Variants in PLA2R1 observed in about 807,000 individuals in gnomAD.
The protein encoded by PLA2R1 is phospholipase A2 receptor 1, also known as secretory phospholipase A2 receptor.
A neutral mutation model predicts 195.9 loss-of-function variants in PLA2R1; 158 were observed. That is an observed-to-expected ratio of 0.81 (90% CI 0.71 to 0.92). PLA2R1 has a LOEUF of 0.92. Ranked by LOEUF, PLA2R1 falls within the 40% of genes least tolerant of loss-of-function variation. The probability of loss-of-function intolerance (pLI) is 0.00; values close to 1 mark genes in which losing one functional copy is unlikely to be tolerated. For missense variants in PLA2R1, 1,626 were observed against 1,764.6 expected (o/e 0.92, Z 1.41); for synonymous variants, 586 against 598.2 (o/e 0.98, Z 0.30).
chr2:159,931,184 C>T (rs752357559), downstream of PLA2R1, among the ~76,000 whole-genome samples: 10 of 152,162 alleles, frequency 6.6e-5, no homozygotes, highest in African/African-American at 2.2e-4. Flanking sequence ...GTGTTTGTTC[C>T]GAAATCCGTT....
At position 159,937,877 on chromosome 2, in the gene PLA2R1, A is replaced by G. The variant is rs1686907916; in HGVS notation, c.*3901T>C. ...GAGTTTACAATTTCTTTATTAAAAG[A>G]AGCTTCACTGACATCAATACTTCGA... On this transcript the variant is annotated 3_prime_UTR_variant, in exon 30 of 30. Coordinates refer to ENST00000283243, the MANE Select transcript of PLA2R1 (RefSeq NM_007366.5). The G allele has an allele frequency of 6.6e-6, 1 of 152,250 alleles. No homozygotes were observed. The highest frequency in any genetic ancestry group is 1.5e-5 in the Non-Finnish European group (1 of 68,046). 9.4% of individuals were successfully genotyped at this position (152,250 alleles called of 1,614,324 possible).
chr2:159,975,609 C>A (rs1360756718), intron 17 of PLA2R1, among the ~76,000 whole-genome samples: 8 of 152,082 alleles, frequency 5.3e-5, no homozygotes, highest in Admixed American at 6.6e-5. Flanking sequence ...CTTAATTTTC[C>A]TCTGTGGCAT....
chr2:160,048,867 G>A (rs13397925), intron 1 of PLA2R1, among the ~76,000 whole-genome samples: 1 of 138,398 alleles, frequency 7.2e-6, no homozygotes, highest in African/African-American at 2.8e-5. Context: ...TTGAGACAGA[G>A]TCTCGCTCTG....
rs563637340 is a variant in PLA2R1 at position 160,028,227 on chromosome 2, C to A, written c.1090G>T (p.Glu364Ter). 1.5e-5 allele frequency: 24 copies of A among 1,587,772 alleles called. No individual in the cohort carries two copies. The Admixed American group carries it at 2.8e-4, about 19-fold the overall frequency. The change falls in exon 6 of 30, where the codon GAA becomes TAA. Residue 364 changes from glutamate (E) to a stop codon, truncating the protein, a stop_gained. Coordinates refer to ENST00000283243, the MANE Select transcript of PLA2R1 (RefSeq NM_007366.5). LOFTEE classifies it high-confidence loss of function. ...CKKYLNHIDH[E>*]IVEKDAWKYY... ...AAATAAAAACGCTTACCAACTATTT[C>A]ATGATCAATGTGGTTTAGATATTTT... is the stretch of plus-strand genomic sequence containing the variant.
chr2:160,019,064 T>C (rs1198169263), intron 8 of PLA2R1, among the ~76,000 whole-genome samples: 1 of 152,188 alleles, frequency 6.6e-6, no homozygotes, highest in African/African-American at 2.4e-5. Flanking sequence ...CATAATAAAC[T>C]GTTCAAATGG....
intron 11 of PLA2R1, among the ~76,000 whole-genome samples, chr2:160,001,067 G>A (rs898970386): frequency 2.0e-5 from 3 of 152,018 alleles, no homozygotes; most frequent in African/African-American, 7.2e-5. Context: ...TGAAACTGAA[G>A]GTGTTCCAGA....
intron 25 of PLA2R1, among the ~76,000 whole-genome samples, chr2:159,948,200 G>T (rs1283289496): frequency 1.3e-5 from 2 of 152,074 alleles, no homozygotes; most frequent in Admixed American, 1.3e-4. Context: ...ATAAAAGAGA[G>T]CTAACAACAA....
chr2:160,044,667 G>A lies in PLA2R1; in HGVS notation c.493+107C>T, dbSNP rs1204878523. ...ATGTATTTAGCAGAAGTCCCTTGAGGGTCCAGGCTTCGTGTACTTCTTTCA... is the reference window on the plus strand; with the variant it reads ...ATGTATTTAGCAGAAGTCCCTTGAGAGTCCAGGCTTCGTGTACTTCTTTCA... On this transcript the variant is annotated intron_variant, in intron 2 of 29. Coordinates refer to ENST00000283243, the MANE Select transcript of PLA2R1 (RefSeq NM_007366.5). 4 of 923,892 alleles carry A rather than the reference G, an allele frequency of 4.3e-6. No individual in the cohort carries two copies. In the East Asian group the frequency reaches 9.7e-5, roughly 22 times the overall value. The allele number at this position is 923,892 out of a possible 1,614,324, so 57.2% of individuals were successfully genotyped here.
intron 10 of PLA2R1, among the ~76,000 whole-genome samples, chr2:160,009,242 G>C (rs1413484817): frequency 6.6e-6 from 1 of 152,206 alleles, no homozygotes; most frequent in African/African-American, 2.4e-5. Flanking sequence ...GGACTCGAAG[G>C]GTATTTGTAC....
intron 1 of PLA2R1, among the ~76,000 whole-genome samples, chr2:160,047,443 T>A (rs935908438): frequency 6.6e-6 from 1 of 152,218 alleles, no homozygotes; most frequent in Non-Finnish European, 1.5e-5. Context: ...TCATCATCCC[T>A]CAAAGGCTTC....
intron 29 of PLA2R1, 49 bp from the exon 30 acceptor site, chr2:159,942,041 AAG>A: frequency 6.4e-7 from 1 of 1,560,628 alleles, no homozygotes. Context: ...AGTGGCGATG[AAG>A]TAATATAGAT....
At chr2:159,926,695 T>C in the PLA2R1 span, among the ~76,000 whole-genome samples, 1 of 151,776 alleles carries the variant, frequency 6.6e-6, no homozygotes, top group South Asian at 2.1e-4. Context: ...CTGGAGAGAG[T>C]TTAATAAAGG....
chr2:160,005,315 G>T lies in PLA2R1; in HGVS notation c.1834+337C>A, dbSNP rs537893261. Among the ~76,000 whole-genome samples the T allele has an allele frequency of 4.7e-4, 71 of 152,066 alleles. 4 individuals are homozygous for T. In the South Asian group the frequency reaches 0.015, roughly 31 times the overall value. On this transcript the variant is annotated intron_variant, in intron 11 of 29. Transcript: ENST00000283243. Reference sequence around the variant, plus strand: ...CTGGGTGTGGTGGCGCATGCCTGTGGTCCCAGCTACTGGGGAGGCTGAGGT... The same window carrying T: ...CTGGGTGTGGTGGCGCATGCCTGTGTTCCCAGCTACTGGGGAGGCTGAGGT...
Position 160,062,306 on chromosome 2 carries a change from AGGAGCCGCTCG to A in PLA2R1, c.87_97del (p.Glu30GlyfsTer5). The A allele has an allele frequency of 6.7e-7, 1 of 1,490,520 alleles. No homozygotes were observed. Among genetic ancestry groups the A allele is most frequent in the Non-Finnish European group, 8.9e-7 (1 of 1,123,120 alleles). 92.3% of individuals were successfully genotyped at this position (1,490,520 alleles called of 1,614,324 possible). A position where few individuals can be genotyped will look rare whatever the true frequency, so the allele number is the denominator to read the frequency against. ...CCTGGGAGACTCACCCTGCCACTCCAGGAGCCGCTCGGGGGTAAGCGCCGCCGCCACACCCT... is the reference window on the plus strand; with the variant it reads ...CCTGGGAGACTCACCCTGCCACTCCAGGGGTAAGCGCCGCCGCCACACCCT... On this transcript the variant is annotated frameshift_variant, in exon 1 of 30. Coordinates refer to ENST00000283243, the MANE Select transcript of PLA2R1 (RefSeq NM_007366.5). LOFTEE classifies it high-confidence loss of function.
intron 6 of PLA2R1, among the ~76,000 whole-genome samples, chr2:160,026,018 T>C (rs1202122919): frequency 6.6e-6 from 1 of 152,204 alleles, no homozygotes; most frequent in Non-Finnish European, 1.5e-5. Flanking sequence ...GTTGCTCTTG[T>C]CACAGTGGGG....
chr2:159,983,873 A>C, intron 13 of PLA2R1, 55 bp downstream of exon 13: 4 of 1,022,574 alleles, frequency 3.9e-6, no homozygotes, highest in East Asian at 4.8e-5. Context: ...CTCAGAAGCC[A>C]TTACTGGGAG....
chr2:159,990,842 T>C (rs56122507), intron 11 of PLA2R1, among the ~76,000 whole-genome samples: 52,398 of 149,796 alleles, frequency 0.35, 11,146 homozygotes, highest in Non-Finnish European at 0.48. Context: ...GTAGTGGGCT[T>C]GCTCCAGGAT....
intron 1 of PLA2R1, among the ~76,000 whole-genome samples, chr2:160,059,838 A>G (rs1695832361): frequency 6.6e-6 from 1 of 152,216 alleles, no homozygotes; most frequent in East Asian, 1.9e-4. Context: ...TAAACCCATC[A>G]GAGGTTGTGA....
chr2:159,979,076 A>G (rs1689767775), intron 14 of PLA2R1, among the ~76,000 whole-genome samples: 1 of 152,312 alleles, frequency 6.6e-6, no homozygotes, highest in Non-Finnish European at 1.5e-5. Flanking sequence ...TAAGGACTCA[A>G]TAAACAGCAG....
Sources: gnomAD v4.1 joint callset for allele counts (sites outside exome capture counted in the v4.1 genomes callset) on GRCh38, gnomAD v4.1.1 for gene constraint, MANE v1.5 for transcripts, NCBI Gene and HGNC (gene_info 2026-07-23, HGNC 2026-07-21) for gene names.